IL6ST: variants seen among roughly 807,000 people sequenced by gnomAD.
The protein encoded by IL6ST is interleukin 6 cytokine family signal transducer.
Under a neutral mutation model 91.3 loss-of-function variants are expected in IL6ST, and 24 were observed. That is an observed-to-expected ratio of 0.26 (90% CI 0.19 to 0.37). IL6ST has a LOEUF of 0.37. Among genes scored for constraint, IL6ST ranks in the 10% least tolerant of loss-of-function variants. The pLI, the probability that IL6ST is intolerant of heterozygous loss-of-function variation, is 1.00. For synonymous variants in IL6ST, 351 were observed against 373.6 expected, an observed-to-expected ratio of 0.94 and a Z score of 0.70; for missense variants, 914 against 1,078.5, an observed-to-expected ratio of 0.85 and a Z score of 2.14.
intron 1 of IL6ST, among the ~76,000 whole-genome samples, chr5:55,987,323 A>C (rs995415370): frequency 6.6e-6 from 1 of 152,258 alleles, no homozygotes; most frequent in Admixed American, 6.5e-5. Context: ...ACAAAACCAA[A>C]GTGTGAATGC....
intron 4 of IL6ST, among the ~76,000 whole-genome samples, chr5:55,969,011 T>C (rs1396525071): frequency 6.6e-6 from 1 of 152,110 alleles, no homozygotes; most frequent in African/African-American, 2.4e-5. Flanking sequence ...CTGGCCAACA[T>C]GGCGAAACCC....
chr5:55,964,826 C>T (rs978499657), intron 5 of IL6ST, among the ~76,000 whole-genome samples: 1 of 151,962 alleles, frequency 6.6e-6, no homozygotes, highest in African/African-American at 2.4e-5. Flanking sequence ...AGTAATATTA[C>T]TATATTTATT....
rs1750491841 is a variant in IL6ST at position 55,935,837 on chromosome 5, G to A, written c.*5245C>T. 2 of 217,862 alleles carry A rather than the reference G, an allele frequency of 9.2e-6. No individual in the cohort carries two copies. Among genetic ancestry groups the A allele is most frequent in the Non-Finnish European group, 1.8e-5 (2 of 108,448 alleles). 13.5% of individuals were successfully genotyped at this position (217,862 alleles called of 1,614,324 possible). ...TCACTGCCTTTGGGCTAGAGAAAGA[G>A]TATGCTCTCAAGGAGTTACATAATC... On this transcript the variant is annotated 3_prime_UTR_variant, in exon 17 of 17. Transcript: ENST00000381298.
chr5:55,941,876 G>C, intron 16 of IL6ST, 57 bp from the exon 17 acceptor site: 1 of 1,449,872 alleles, frequency 6.9e-7, no homozygotes, highest in Non-Finnish European at 9.4e-7. Flanking sequence ...CAGAGCTAAT[G>C]CATCTCTGAA....
intron 7 of IL6ST, among the ~76,000 whole-genome samples, chr5:55,961,715 G>A (rs1382263402): frequency 1.3e-5 from 2 of 150,294 alleles, no homozygotes; most frequent in Non-Finnish European, 2.9e-5. Context: ...CCAAGATCAT[G>A]CCATTACACT....
At chr5:55,962,403 C>G (rs1398320809) in intron 7 of IL6ST, among the ~76,000 whole-genome samples, 1 of 152,140 alleles carries the variant, frequency 6.6e-6, no homozygotes, top group Admixed American at 6.5e-5. Context: ...TAGCTGAATG[C>G]TATGGTGATA....
At chr5:55,955,981 C>T (rs1394706987) in intron 10 of IL6ST, 44 bp downstream of exon 10, 20 of 1,380,514 alleles carry the variant, frequency 1.4e-5, no homozygotes, top group Non-Finnish European at 1.0e-6. Context: ...ACCTAACCAC[C>T]ATTTTTCCAC....
In IL6ST at chr5:55,939,673, C is replaced by A. The variant is rs1196624616; in HGVS notation, c.*1409G>T. 1 of 206,528 alleles carries A rather than the reference C, an allele frequency of 4.8e-6. No individual in the cohort carries two copies. Among genetic ancestry groups the A allele is most frequent in the Admixed American group, 5.9e-5 (1 of 16,848 alleles). 12.8% of individuals were successfully genotyped at this position (206,528 alleles called of 1,614,324 possible). A position where few individuals can be genotyped will look rare whatever the true frequency, so the allele number is the denominator to read the frequency against. ...AATTTCCTCTTACTTTCTAAGAAAA[C>A]CCCTATATTTAGCATCTGCTTCCAT... On this transcript the variant is annotated 3_prime_UTR_variant, in exon 17 of 17. Transcript: ENST00000381298.
At chr5:55,953,216 T>C (rs1751751001) in intron 11 of IL6ST, among the ~76,000 whole-genome samples, 1 of 152,224 alleles carries the variant, frequency 6.6e-6, no homozygotes, top group Non-Finnish European at 1.5e-5. Flanking sequence ...TCCTTAACTA[T>C]TACTCATGAA....
At chr5:55,944,793 G>A (rs1320244076) in intron 15 of IL6ST, 2 of 694,598 alleles carry the variant, frequency 2.9e-6, no homozygotes, top group African/African-American at 3.6e-5. Context: ...GCCAGACGCT[G>A]GGGATGCTGG....
chr5:55,986,485 G>A (rs114948936), intron 1 of IL6ST, among the ~76,000 whole-genome samples: 1,679 of 152,170 alleles, frequency 0.011, 29 homozygotes, highest in African/African-American at 0.037. Flanking sequence ...GGCATCTTTA[G>A]GGGGTAGGCA....
At chr5:55,979,473 G>C (rs1053172275) in intron 2 of IL6ST, among the ~76,000 whole-genome samples, 4 of 151,984 alleles carry the variant, frequency 2.6e-5, no homozygotes, top group Non-Finnish European at 4.4e-5. Context: ...TGTAACAAAA[G>C]GTAAACAAAC....
intron 16 of IL6ST, 108 bp downstream of exon 16, chr5:55,942,562 T>A: frequency 1.8e-6 from 1 of 549,554 alleles, no homozygotes; most frequent in Non-Finnish European, 3.3e-6. Context: ...GAATATCTTA[T>A]CTTTTGGTAC....
At chr5:55,942,120 C>T (rs1379820641) in intron 16 of IL6ST, among the ~76,000 whole-genome samples, 1 of 152,124 alleles carries the variant, frequency 6.6e-6, no homozygotes, top group Non-Finnish European at 1.5e-5. Flanking sequence ...GAAAATCAAA[C>T]CTGAATGACA....
intron 1 of IL6ST, among the ~76,000 whole-genome samples, chr5:55,989,527 CCTTT>C (rs1754194026): frequency 6.6e-6 from 1 of 152,110 alleles, no homozygotes; most frequent in Non-Finnish European, 1.5e-5. Flanking sequence ...GACCTTAGGG[CCTTT>C]TAAAATTAGA....
chr5:55,967,872 C>T (rs1218236563), intron 5 of IL6ST, among the ~76,000 whole-genome samples: 1 of 152,136 alleles, frequency 6.6e-6, no homozygotes, highest in African/African-American at 2.4e-5. Flanking sequence ...TCCGGGCTCA[C>T]TGCAACCTCC....
chr5:55,952,027 T>C lies in IL6ST; in HGVS notation c.1601A>G (p.Glu534Gly). 1.2e-6 allele frequency: 2 copies of C among 1,613,302 alleles called. No homozygotes were observed. Among genetic ancestry groups the C allele is most frequent in the South Asian group, 1.1e-5 (1 of 91,018 alleles). ...TVRTKKVGKNEAVLEWDQLPV... is the reference protein window; with the variant it reads ...TVRTKKVGKNGAVLEWDQLPV... ...AAGTTGGTCCCACTCTAAGACAGCT[T>C]CGTTTTTCCCTACTTTTTTTGTCCG... Residue 534 changes from glutamate (E) to glycine (G), a missense_variant, in exon 13 of 17, where the codon GAA (glutamate) becomes GGA (glycine). Physicochemically the swap from Glu to Gly is moderately conservative, Grantham distance 98. Transcript: ENST00000381298.
chr5:55,957,056 G>A (rs566040150), intron 9 of IL6ST, among the ~76,000 whole-genome samples, 153 bp downstream of exon 9: 48 of 151,882 alleles, frequency 3.2e-4, no homozygotes, highest in Non-Finnish European at 6.6e-4. Flanking sequence ...TACTCAGGAG[G>A]CTGAGGCAGG....
intron 14 of IL6ST, among the ~76,000 whole-genome samples, chr5:55,950,709 G>A (rs937099109): frequency 2.6e-5 from 4 of 151,794 alleles, no homozygotes; most frequent in Admixed American, 6.6e-5. Flanking sequence ...AAGGCTGGAG[G>A]CAGTGGCTTA....
Sources: gnomAD v4.1 joint callset for allele counts (sites outside exome capture counted in the v4.1 genomes callset) on GRCh38, gnomAD v4.1.1 for gene constraint, MANE v1.5 for transcripts, NCBI Gene and HGNC (gene_info 2026-07-23, HGNC 2026-07-21) for gene names.